The following TASOR variants were observed in gnomAD, a reference collection of about 807,000 sequenced individuals.
TASOR encodes the protein protein TASOR.
A neutral mutation model predicts 178.6 loss-of-function variants in TASOR; 53 were observed. The observed-to-expected ratio is 0.30, with a 90% CI of 0.24 to 0.37. TASOR has a LOEUF of 0.37. TASOR is among the 10% of genes least tolerant of loss of function. The pLI, the probability that TASOR is intolerant of heterozygous loss-of-function variation, is 1.00. For synonymous variants in TASOR, 713 were observed against 696.2 expected, an observed-to-expected ratio of 1.02 and a Z score of -0.38; for missense variants, 1,815 against 1,971.4, an observed-to-expected ratio of 0.92 and a Z score of 1.50.
At chr3:56,649,360 T>G (rs1218140999) in intron 11 of TASOR, among the ~76,000 whole-genome samples, 1 of 152,142 alleles carries the variant, frequency 6.6e-6, no homozygotes, top group Non-Finnish European at 1.5e-5. Flanking sequence ...AGCTAAAGAC[T>G]TCAATTTTCT....
chr3:56,662,342 T>C (rs1200688154), intron 9 of TASOR, 43 bp downstream of exon 9: 2 of 996,214 alleles, frequency 2.0e-6, no homozygotes, highest in Non-Finnish European at 3.1e-6. Context: ...CTCAAGAAAG[T>C]GATAAAATTA....
At position 56,621,651 on chromosome 3, in the gene TASOR, G is replaced by C. The variant is rs373963574; in HGVS notation, c.*1386C>G. The C allele has an allele frequency of 1.6e-5, 23 of 1,430,400 alleles. No individual in the cohort carries two copies. Among genetic ancestry groups the C allele is most frequent in the Non-Finnish European group, 2.2e-5 (23 of 1,030,960 alleles). 88.6% of individuals were successfully genotyped at this position (1,430,400 alleles called of 1,614,324 possible). On this transcript the variant is annotated 3_prime_UTR_variant, in exon 24 of 24. Transcript: ENST00000683822. Reference sequence around the variant, plus strand: ...AAATCAAATCCTTCACATTTGATTTGTGTCTTCCAAATTATAAAATGTGCT... The same window carrying C: ...AAATCAAATCCTTCACATTTGATTTCTGTCTTCCAAATTATAAAATGTGCT...
At chr3:56,669,081 T>C (rs1177999913) in intron 5 of TASOR, among the ~76,000 whole-genome samples, 1 of 152,084 alleles carries the variant, frequency 6.6e-6, no homozygotes, top group Non-Finnish European at 1.5e-5. Context: ...ACTTGTTTAA[T>C]AACAAGTAAA....
In TASOR at chr3:56,623,264, G is replaced by C; in HGVS notation, c.4786C>G (p.Gln1596Glu). Residue 1596 changes from glutamine (Q) to glutamate (E), a missense_variant, in exon 24 of 24, where the codon CAG becomes GAG. By Grantham distance (29) the Gln-to-Glu change is conservative. Transcript: ENST00000683822. The part of the protein sequence containing the change: ...STEQDSYSNF[Q>E]VYHSQLNMSH... The stretch of plus-strand genomic sequence containing the variant: ...ATATTTAATTGACTATGATAAACCT[G>C]AAAGTTACTATATGAATCTTGTTCT... 2 of 1,613,448 alleles carry C rather than the reference G, an allele frequency of 1.2e-6. No homozygotes were observed. Among genetic ancestry groups the C allele is most frequent in the Non-Finnish European group, 1.7e-6 (2 of 1,179,856 alleles).
At chr3:56,629,641 C>G (rs1284614099) in intron 18 of TASOR, among the ~76,000 whole-genome samples, 1 of 152,180 alleles carries the variant, frequency 6.6e-6, no homozygotes, top group Non-Finnish European at 1.5e-5. Flanking sequence ...GGCAGACTTT[C>G]ATGCAGAGTT....
At chr3:56,656,433 C>CA (rs1311734837) in intron 11 of TASOR, among the ~76,000 whole-genome samples, 5 of 150,826 alleles carry the variant, frequency 3.3e-5, no homozygotes, top group South Asian at 2.1e-4. Flanking sequence ...ACAAAAAATA[C>CA]AAAAAAAATT....
chr3:56,678,967 G>T (rs377541960), intron 1 of TASOR, among the ~76,000 whole-genome samples: 2 of 144,612 alleles, frequency 1.4e-5, no homozygotes, highest in Non-Finnish European at 3.0e-5. Context: ...AGCCGGGATC[G>T]CAACACTGCA....
Position 56,621,538 on chromosome 3 carries a change from C to T in TASOR, c.*1499G>A, listed in dbSNP as rs753699497. 1.3e-6 allele frequency: 2 copies of T among 1,589,556 alleles called. No individual in the cohort carries two copies. The highest frequency in any genetic ancestry group is 2.3e-5 in the South Asian group (2 of 86,766). On this transcript the variant is annotated 3_prime_UTR_variant, in exon 24 of 24. Transcript: ENST00000683822. ...TATATCAATGTGATTTCAGGGCCTT[C>T]TCCAGAAGCAAAAGGAGTTGGAAAG...
Position 56,621,479 on chromosome 3 carries a change from T to G in TASOR, c.*1558A>C. The G allele has an allele frequency of 8.9e-7, 1 of 1,127,104 alleles. No individual in the cohort carries two copies. Among genetic ancestry groups the G allele is most frequent in the Non-Finnish European group, 1.3e-6 (1 of 781,750 alleles). 69.8% of individuals were successfully genotyped at this position (1,127,104 alleles called of 1,614,324 possible). On this transcript the variant is annotated 3_prime_UTR_variant, in exon 24 of 24. Coordinates refer to ENST00000683822, the MANE Select transcript of TASOR (RefSeq NM_001365635.2). ...ATATAATTCTAGTTTAACACAACAT[T>G]GCAAGTCAGGTGTGCACATTTTACT...
intron 3 of TASOR, 84 bp from the exon 4 acceptor site, chr3:56,670,229 TAAA>T: frequency 1.2e-6 from 1 of 828,252 alleles, no homozygotes; most frequent in Non-Finnish European, 1.8e-6. Flanking sequence ...TTGGTTTAAA[TAAA>T]AACAAAGCTT....
intron 11 of TASOR, among the ~76,000 whole-genome samples, chr3:56,655,094 T>G (rs971251874): frequency 2.0e-5 from 3 of 152,196 alleles, no homozygotes; most frequent in Non-Finnish European, 4.4e-5. Flanking sequence ...AAAAACCATC[T>G]GCTAAAATTC....
rs111474551 is a variant in TASOR, at chr3:56,668,470, T to C, written c.824A>G (p.His275Arg). Residue 275 changes from histidine to arginine, a missense_variant, in exon 6 of 24, where the codon CAT (histidine) becomes CGT (arginine). Physicochemically the swap from His to Arg is conservative, Grantham distance 29. Around this residue, in one of 5 missense-constraint regions of TASOR, gnomAD observed 504 missense variants for 645.3 expected, o/e 0.78. Transcript: ENST00000683822. ...GGCATTCTTTGACACGTGACATTCA[T>C]GCTTTGGTGTGGGGTCCAAAGCACT... is the stretch of plus-strand genomic sequence containing the variant. ...NKSALDPTPK[H>R]ECHVSKNANR... 6.4e-7 allele frequency: 1 copy of C among 1,551,736 alleles called. No homozygotes were observed. The highest frequency in any genetic ancestry group is 8.7e-7 in the Non-Finnish European group (1 of 1,146,992).
At chr3:56,638,824 CT>C in intron 16 of TASOR, 59 bp from the exon 17 acceptor site, 1 of 1,500,048 alleles carries the variant, frequency 6.7e-7, no homozygotes. Context: ...CACTAAGCAC[CT>C]TTCAGACAAC....
chr3:56,662,867 G>T (rs1010933087), intron 8 of TASOR, among the ~76,000 whole-genome samples: 1 of 152,128 alleles, frequency 6.6e-6, no homozygotes, highest in Admixed American at 6.5e-5. Context: ...TCTACTCATT[G>T]TGTTTTCATT....
At chr3:56,641,072 T>G (rs897785265) in intron 15 of TASOR, among the ~76,000 whole-genome samples, 1 of 151,098 alleles carries the variant, frequency 6.6e-6, no homozygotes, top group Non-Finnish European at 1.5e-5. Context: ...AATAAGCCAT[T>G]TCTGACAAAT....
chr3:56,662,028 G>A (rs1290764582), intron 9 of TASOR, among the ~76,000 whole-genome samples: 1 of 151,752 alleles, frequency 6.6e-6, no homozygotes, highest in Admixed American at 6.6e-5. Context: ...TACTCAGGAG[G>A]CTGAGATGGG....
At chr3:56,642,810 TAAA>T (rs1467340319) in intron 14 of TASOR, among the ~76,000 whole-genome samples, 2 of 151,840 alleles carry the variant, frequency 1.3e-5, no homozygotes, top group Non-Finnish European at 2.9e-5. Context: ...CCGTCTCTAC[TAAA>T]AAAATACAAA....
intron 7 of TASOR, chr3:56,663,959 A>T: frequency 3.1e-6 from 2 of 649,308 alleles, no homozygotes; most frequent in Non-Finnish European, 3.8e-6. Flanking sequence ...TACCAGGCAC[A>T]GTTCTAGGTA....
intron 11 of TASOR, among the ~76,000 whole-genome samples, chr3:56,656,628 C>CAA (rs1367115163): frequency 2.0e-5 from 3 of 150,688 alleles, no homozygotes; most frequent in Non-Finnish European, 4.4e-5. Context: ...ATACTATTTA[C>CAA]AAAAGCATCA....
Sources: gnomAD v4.1 joint callset for allele counts (sites outside exome capture counted in the v4.1 genomes callset) on GRCh38, gnomAD v4.1.1 for gene constraint, gnomAD v4.1.1 regional missense constraint, MANE v1.5 for transcripts, NCBI Gene and HGNC (gene_info 2026-07-23, HGNC 2026-07-21) for gene names.